The following ECT2L variants were observed in gnomAD, a reference collection of about 807,000 sequenced individuals.
ECT2L encodes epithelial cell transforming 2 like.
A neutral mutation model predicts 122.8 loss-of-function variants in ECT2L; 126 were observed. The observed-to-expected ratio is 1.03, with a 90% CI of 0.89 to 1.19. The LOEUF is 1.19. ECT2L is among the 50% of genes most tolerant of loss of function. ECT2L has a pLI of 0.00. For missense variants in ECT2L, 1,012 were observed against 1,064.1 expected, an observed-to-expected ratio of 0.95 and a Z score of 0.68; for synonymous variants, 385 against 381.8, an observed-to-expected ratio of 1.01 and a Z score of -0.10.
At chr6:138,849,511 G>A in intron 9 of ECT2L, 77 bp downstream of exon 9, 2 of 1,416,002 alleles carry the variant, frequency 1.4e-6, no homozygotes, top group South Asian at 1.6e-5. Flanking sequence ...ACTTCCGGAG[G>A]ACTATCTCAG....
chr6:138,847,931 C>A (rs186973374), intron 8 of ECT2L, among the ~76,000 whole-genome samples: 1 of 152,104 alleles, frequency 6.6e-6, no homozygotes, highest in African/African-American at 2.4e-5. Context: ...CACAGTTTCA[C>A]GTGGCAAGGA....
At chr6:138,819,484 T>A (rs1287620530) in intron 4 of ECT2L, among the ~76,000 whole-genome samples, 1 of 152,142 alleles carries the variant, frequency 6.6e-6, no homozygotes, top group African/African-American at 2.4e-5. Flanking sequence ...CTTGTTTATT[T>A]GCTGTCTGCC....
At chr6:138,896,090 G>T (rs1779199477) in intron 20 of ECT2L, among the ~76,000 whole-genome samples, 1 of 124,508 alleles carries the variant, frequency 8.0e-6, no homozygotes, top group East Asian at 3.0e-4. Flanking sequence ...TTTCATTGCT[G>T]AATTTTTTTT....
chr6:138,831,561 C>T (rs1275392747), intron 4 of ECT2L, among the ~76,000 whole-genome samples: 3 of 152,196 alleles, frequency 2.0e-5, no homozygotes, highest in African/African-American at 7.2e-5. Flanking sequence ...TCCCAGTTGC[C>T]TTTAACCCAC....
chr6:138,859,578 G>T (rs1777744280), intron 10 of ECT2L, among the ~76,000 whole-genome samples: 1 of 152,100 alleles, frequency 6.6e-6, no homozygotes, highest in Admixed American at 6.6e-5. Context: ...CCATTTGGGT[G>T]GGTATGTGGT....
chr6:138,875,790 C>T (rs550525772), intron 13 of ECT2L, among the ~76,000 whole-genome samples: 1 of 152,236 alleles, frequency 6.6e-6, no homozygotes, highest in South Asian at 2.1e-4. Flanking sequence ...ACCTATTTGC[C>T]CTCAACTGAG....
chr6:138,894,620 G>C (rs752856444), intron 20 of ECT2L, among the ~76,000 whole-genome samples: 3 of 152,156 alleles, frequency 2.0e-5, no homozygotes, highest in Non-Finnish European at 4.4e-5. Context: ...GCTTGCCTAG[G>C]GCAATTGTTC....
rs564671062 is a variant in ECT2L at position 138,892,685 on chromosome 6, G to T, written c.2414+3654G>T. On this transcript the variant is annotated intron_variant, in intron 20 of 21. Transcript: ENST00000541398. The stretch of plus-strand genomic sequence containing the variant: ...ATTTTTGTATTTTTAGTAGAGATGG[G>T]ATTCACCACATTGGCTAGGCTGGTC... Among the ~76,000 whole-genome samples the T allele has an allele frequency of 2.9e-4, 44 of 152,230 alleles. No individual in the cohort carries two copies. In the South Asian group the frequency reaches 8.7e-3, roughly 30 times the overall value.
chr6:138,849,390 G>C lies in ECT2L; in HGVS notation c.1025G>C (p.Gly342Ala). 6.2e-7 allele frequency: 1 copy of C among 1,613,942 alleles called. No individual in the cohort carries two copies. Among genetic ancestry groups the C allele is most frequent in the Non-Finnish European group, 8.5e-7 (1 of 1,179,982 alleles). The stretch of plus-strand genomic sequence containing the variant: ...GATGGGCAGAAGGCACAGAGCATCG[G>C]AATATTTAGCGATGGAGACAGCAGA... ...ALDGQKAQSIGIFSDGDSREI... is the reference protein window; with the variant it reads ...ALDGQKAQSIAIFSDGDSREI... The change falls in exon 9 of 22, where the codon GGA becomes GCA. Residue 342 changes from glycine (G) to alanine (A), a missense_variant. Physicochemically the swap from Gly to Ala is moderately conservative, Grantham distance 60. Transcript: ENST00000541398.
chr6:138,880,817 CG>C, intron 14 of ECT2L, 139 bp from the exon 15 acceptor site: 1 of 662,240 alleles, frequency 1.5e-6, no homozygotes, highest in Non-Finnish European at 2.6e-6. Flanking sequence ...TGATGGACAG[CG>C]GGGTCCTCCG....
intron 1 of ECT2L, among the ~76,000 whole-genome samples, chr6:138,811,335 C>T (rs1379329288): frequency 6.6e-6 from 1 of 152,228 alleles, no homozygotes; most frequent in Non-Finnish European, 1.5e-5. Context: ...GAATGAGCTG[C>T]AGGGCCTTCA....
intron 4 of ECT2L, among the ~76,000 whole-genome samples, chr6:138,832,984 G>A (rs1328290527): frequency 1.3e-5 from 2 of 152,048 alleles, no homozygotes; most frequent in African/African-American, 2.4e-5. Flanking sequence ...TTACAATCAC[G>A]GTGGAAGGGG....
At chr6:138,854,251 C>A in intron 10 of ECT2L, 97 bp downstream of exon 10, 2 of 1,357,144 alleles carry the variant, frequency 1.5e-6, no homozygotes, top group South Asian at 3.5e-5. Context: ...ATGATTCAGT[C>A]ACATTTCACG....
At position 138,882,835 on chromosome 6, in the gene ECT2L, C is replaced by G; in HGVS notation, c.1992C>G (p.Phe664Leu). The G allele has an allele frequency of 6.2e-7, 1 of 1,614,148 alleles. No homozygotes were observed. Among genetic ancestry groups the G allele is most frequent in the Non-Finnish European group, 8.5e-7 (1 of 1,180,012 alleles). Residue 664 changes from phenylalanine (F) to leucine (L), a missense_variant, in exon 16 of 22, where the codon TTC (phenylalanine) becomes TTG (leucine). Coordinates refer to ENST00000541398, the MANE Select transcript of ECT2L (RefSeq NM_001077706.3). ...AGTTAAACACATATACCAATTTCTT[C>G]AACAATTACCCTGTCATTCTGAAAA... ...GSQLNTYTNF[F>L]NNYPVILKTI... is the part of the protein sequence containing the mutation.
chr6:138,845,786 A>G (rs1777199747), intron 7 of ECT2L, among the ~76,000 whole-genome samples: 1 of 152,114 alleles, frequency 6.6e-6, no homozygotes, highest in Non-Finnish European at 1.5e-5. Flanking sequence ...AAGAATTTTA[A>G]GAGGTCAGGC....
At chr6:138,875,065 T>C (rs1305807460) in intron 13 of ECT2L, among the ~76,000 whole-genome samples, 1 of 151,810 alleles carries the variant, frequency 6.6e-6, no homozygotes, top group Non-Finnish European at 1.5e-5. Context: ...CCAGCATGGG[T>C]GAAAGAGTGA....
chr6:138,820,112 C>G (rs1029136220), intron 4 of ECT2L, among the ~76,000 whole-genome samples: 2 of 152,128 alleles, frequency 1.3e-5, no homozygotes, highest in East Asian at 1.9e-4. Flanking sequence ...ATTTCCACCC[C>G]CTACAAGGCA....
At position 138,885,719 on chromosome 6, in the gene ECT2L, C is replaced by T. The variant is rs746666102; in HGVS notation, c.2148C>T (p.Tyr716=). 14 of 1,614,024 alleles carry T rather than the reference C, an allele frequency of 8.7e-6. No homozygotes were observed. Among genetic ancestry groups the T allele is most frequent in the Non-Finnish European group, 1.1e-5 (13 of 1,180,024 alleles). ...ACCCATCCCGAAGATTTGAAGAATACCTTAATCTTCTCTACGCTGTCAGGC... is the reference window on the plus strand; with the variant it reads ...ACCCATCCCGAAGATTTGAAGAATATCTTAATCTTCTCTACGCTGTCAGGC... The part of the protein sequence containing the change: ...LLYPSRRFEE[Y]LNLLYAVRLH... Residue 716 remains tyrosine (Y), a synonymous_variant, in exon 18 of 22, where the codon TAC becomes TAT. Transcript: ENST00000541398.
At chr6:138,810,428 T>C (rs1375049761) in intron 1 of ECT2L, among the ~76,000 whole-genome samples, 1 of 152,092 alleles carries the variant, frequency 6.6e-6, no homozygotes, top group Admixed American at 6.6e-5. Flanking sequence ...AGACGTAGGG[T>C]TTGGCTTTTT....
Sources: gnomAD v4.1 joint callset for allele counts (sites outside exome capture counted in the v4.1 genomes callset) on GRCh38, gnomAD v4.1.1 for gene constraint, MANE v1.5 for transcripts, NCBI Gene and HGNC (gene_info 2026-07-23, HGNC 2026-07-21) for gene names.